ATP2C1: variants seen among roughly 807,000 people sequenced by gnomAD.
ATP2C1 encodes calcium-transporting ATPase type 2C member 1.
A neutral mutation model predicts 120.5 loss-of-function variants in ATP2C1; 31 were observed. That is an observed-to-expected ratio of 0.26 (90% CI 0.19 to 0.35). The LOEUF (loss-of-function observed/expected upper bound fraction) is 0.35, where lower values mean the gene tolerates loss of function less well. Ranked by LOEUF, ATP2C1 falls within the 10% of genes least tolerant of loss-of-function variation. The pLI is 1.00. For synonymous variants in ATP2C1, 351 were observed against 358.7 expected, an observed-to-expected ratio of 0.98 and a Z score of 0.24; for missense variants, 731 against 1,107.5, an observed-to-expected ratio of 0.66 and a Z score of 4.83.
At chr3:130,964,132 C>G in intron 13 of ATP2C1, 37 bp downstream of exon 13, 1 of 1,608,958 alleles carries the variant, frequency 6.2e-7, no homozygotes, top group East Asian at 2.2e-5. Context: ...TGCAATGATG[C>G]GTAAGTTTAT....
At chr3:130,885,181 G>A (rs1052345468) in intron 1 of ATP2C1, among the ~76,000 whole-genome samples, 9 of 151,916 alleles carry the variant, frequency 5.9e-5, no homozygotes, top group African/African-American at 2.2e-4. Flanking sequence ...TGATCCACCC[G>A]CCTCTGCCTC....
At chr3:131,000,669 G>T (rs1024321190) in intron 27 of ATP2C1, among the ~76,000 whole-genome samples, 3 of 152,202 alleles carry the variant, frequency 2.0e-5, no homozygotes, top group Non-Finnish European at 4.4e-5. Flanking sequence ...GTGGTCAGAG[G>T]ACTTGGGTTC....
chr3:130,905,106 A>G (rs1045774158), intron 2 of ATP2C1, among the ~76,000 whole-genome samples: 3 of 151,974 alleles, frequency 2.0e-5, no homozygotes, highest in African/African-American at 7.2e-5. Flanking sequence ...CCATTTTTCC[A>G]GGGAGCTGAG....
intron 8 of ATP2C1, among the ~76,000 whole-genome samples, chr3:130,942,535 A>C (rs2059969410): frequency 1.3e-5 from 2 of 152,196 alleles, no homozygotes; most frequent in Admixed American, 1.3e-4. Flanking sequence ...ACTATGGCCA[A>C]AAGTATGAGT....
intron 16 of ATP2C1, among the ~76,000 whole-genome samples, chr3:130,967,773 T>C (rs1454405710): frequency 6.6e-6 from 1 of 152,210 alleles, no homozygotes; most frequent in Non-Finnish European, 1.5e-5. Flanking sequence ...AAGGCAACAT[T>C]CTTTAGTATT....
At chr3:130,867,514 G>C (rs2068224733) in intron 1 of ATP2C1, among the ~76,000 whole-genome samples, 1 of 148,742 alleles carries the variant, frequency 6.7e-6, no homozygotes, top group African/African-American at 2.5e-5. Flanking sequence ...CTGGTCTCCA[G>C]CTCCTAACCG....
intron 2 of ATP2C1, among the ~76,000 whole-genome samples, chr3:130,928,855 A>G (rs2108328794): frequency 6.6e-6 from 1 of 152,306 alleles, no homozygotes; most frequent in East Asian, 1.9e-4. Flanking sequence ...ATCTCACAAG[A>G]TGAAATAACT....
intron 11 of ATP2C1, among the ~76,000 whole-genome samples, chr3:130,957,632 C>T (rs948128840): frequency 4.6e-5 from 7 of 152,108 alleles, no homozygotes; most frequent in African/African-American, 1.7e-4. Flanking sequence ...CTGTAACCTC[C>T]ACCTCCTGGG....
Position 130,861,366 on chromosome 3 carries a change from A to G in ATP2C1, c.108+10438A>G, listed in dbSNP as rs146491838. ...AGAGAAATCCCATAATCTGCTGTCT[A>G]TAAGCTTGAGAACCCAGAAAGACAG... On this transcript the variant is annotated intron_variant, in intron 1 of 26. Transcript: ENST00000504381. Among the ~76,000 whole-genome samples the G allele has an allele frequency of 7.1e-4, 108 of 152,318 alleles. 1 individual carries two copies. The highest frequency in any genetic ancestry group is 2.5e-3 in the African/African-American group (102 of 41,574).
At position 130,934,729 on chromosome 3, in the gene ATP2C1, T is replaced by A; in HGVS notation, c.324+18T>A. On this transcript the variant is annotated intron_variant, in intron 5 of 27. Transcript: ENST00000510168. ...TCACTGTGGTAAGAAAAAAATTACA[T>A]ATTTTTAATCTGTTGAGTAAGTGTA... 6.6e-7 allele frequency: 1 copy of A among 1,514,416 alleles called. No homozygotes were observed. The highest frequency in any genetic ancestry group is 9.2e-7 in the Non-Finnish European group (1 of 1,090,288). 93.8% of individuals were successfully genotyped at this position (1,514,416 alleles called of 1,614,324 possible).
chr3:131,000,348 A>G (rs1431846172), intron 27 of ATP2C1, among the ~76,000 whole-genome samples: 1 of 152,284 alleles, frequency 6.6e-6, no homozygotes, highest in East Asian at 1.9e-4. Context: ...AACTAGTTGA[A>G]TTTCAGTATT....
chr3:130,938,599 G>A (rs914016094), intron 6 of ATP2C1, among the ~76,000 whole-genome samples: 1 of 152,204 alleles, frequency 6.6e-6, no homozygotes, highest in Non-Finnish European at 1.5e-5. Flanking sequence ...AGACTATCAG[G>A]GTTCCGCTTT....
intron 26 of ATP2C1, 146 bp downstream of exon 26, chr3:130,998,535 C>T (rs747285666): frequency 1.4e-6 from 1 of 690,750 alleles, no homozygotes; most frequent in Non-Finnish European, 2.6e-6. Flanking sequence ...TTCTTATAAA[C>T]ATGTGCCATT....
intron 2 of ATP2C1, among the ~76,000 whole-genome samples, chr3:130,926,724 T>A (rs1054731246): frequency 6.6e-6 from 1 of 152,250 alleles, no homozygotes; most frequent in Admixed American, 6.5e-5. Flanking sequence ...ACATACCAGG[T>A]CTCTCAGCCC....
intron 20 of ATP2C1, among the ~76,000 whole-genome samples, chr3:130,990,887 A>G (rs1024672990): frequency 1.3e-5 from 2 of 152,192 alleles, no homozygotes; most frequent in Non-Finnish European, 2.9e-5. Flanking sequence ...GCACATATGT[A>G]CTTTTCACTA....
At chr3:130,885,715 A>G (rs1233867252) in intron 1 of ATP2C1, among the ~76,000 whole-genome samples, 2 of 151,954 alleles carry the variant, frequency 1.3e-5, no homozygotes, top group Non-Finnish European at 2.9e-5. Context: ...TGTCGTTATC[A>G]TTTTTGGTTG....
At position 131,015,214 on chromosome 3, in the gene ATP2C1, A is replaced by G; in HGVS notation, c.2630-938A>G. 2.8e-6 allele frequency: 2 copies of G among 702,390 alleles called. 1 individual carries two copies. The highest frequency in any genetic ancestry group is 4.0e-5 in the Admixed American group (2 of 49,966). 43.5% of individuals were successfully genotyped at this position (702,390 alleles called of 1,614,324 possible). ...CATGTAAAGTCCCACCATATTTTGTATGCGTCCATATATCCTCATTCAAAG... is the reference window on the plus strand; with the variant it reads ...CATGTAAAGTCCCACCATATTTTGTGTGCGTCCATATATCCTCATTCAAAG... On this transcript the variant is annotated intron_variant, in intron 26 of 26. Coordinates refer to the ATP2C1 transcript ENST00000328560.
At chr3:130,903,055 A>G (rs2057942462) in intron 2 of ATP2C1, among the ~76,000 whole-genome samples, 1 of 151,986 alleles carries the variant, frequency 6.6e-6, no homozygotes, top group Non-Finnish European at 1.5e-5. Flanking sequence ...CTTACTATAC[A>G]TTATTTTCTC....
At chr3:130,960,464 A>G (rs2060771245) in intron 12 of ATP2C1, among the ~76,000 whole-genome samples, 1 of 152,194 alleles carries the variant, frequency 6.6e-6, no homozygotes, top group Non-Finnish European at 1.5e-5. Context: ...GTTACAAGTT[A>G]CTACACTTGA....
Sources: allele counts gnomAD v4.1 joint callset (sites outside exome capture counted in the v4.1 genomes callset), GRCh38; gene constraint gnomAD v4.1.1; transcripts MANE v1.5; gene names NCBI Gene and HGNC (gene_info 2026-07-23, HGNC 2026-07-21).